Variants in ASPRV1 observed in about 807,000 individuals in gnomAD.
ASPRV1 encodes the protein aspartic peptidase retroviral like 1.
ASPRV1 carries 7 observed loss-of-function variants against 11.0 expected under a neutral mutation model. That is an observed-to-expected ratio of 0.64 (90% confidence interval 0.36 to 1.20). The LOEUF (loss-of-function observed/expected upper bound fraction) is 1.20. Ranked by LOEUF, ASPRV1 falls within the 50% of genes most tolerant of loss-of-function variation. The pLI is 0.02. For synonymous variants in ASPRV1, 136 were observed against 138.4 expected, an observed-to-expected ratio of 0.98 and a Z score of 0.12; for missense variants, 299 against 320.0, an observed-to-expected ratio of 0.93 and a Z score of 0.50.
At chr2:69,943,825 T>TTTG in the ASPRV1 span, among the ~76,000 whole-genome samples, 3 of 152,168 alleles carry the variant, frequency 2.0e-5, no homozygotes, top group Admixed American at 2.0e-4. Context: ...TCTTCCTGTT[T>TTTG]TTGTTACACC....
At chr2:69,950,224 C>T in the ASPRV1 span, among the ~76,000 whole-genome samples, 1 of 152,198 alleles carries the variant, frequency 6.6e-6, no homozygotes. Flanking sequence ...ACATCACTGG[C>T]CCCCAGGTAC....
At chr2:69,957,138 C>T (rs1173968935), downstream of ASPRV1, among the ~76,000 whole-genome samples, 1 of 152,188 alleles carries the variant, frequency 6.6e-6, no homozygotes, top group African/African-American at 2.4e-5. Flanking sequence ...GGTATTACAT[C>T]AGTGAACTTC....
At chr2:69,936,334 G>A in the ASPRV1 span, among the ~76,000 whole-genome samples, 2 of 152,132 alleles carry the variant, frequency 1.3e-5, no homozygotes, top group South Asian at 2.1e-4. Context: ...TACACCCCAC[G>A]AGGGAGGGGA....
chr2:70,066,443 T>C, the ASPRV1 span, among the ~76,000 whole-genome samples: 1 of 151,924 alleles, frequency 6.6e-6, no homozygotes, highest in Non-Finnish European at 1.5e-5. Flanking sequence ...TTCACCATGT[T>C]GGCCAGGCTG....
At chr2:70,037,205 A>G in the ASPRV1 span, among the ~76,000 whole-genome samples, 1 of 152,082 alleles carries the variant, frequency 6.6e-6, no homozygotes, top group African/African-American at 2.4e-5. Flanking sequence ...AGTTAGCCCC[A>G]TTTCCATCAT....
chr2:70,046,191 G>GTTTTGTT, the ASPRV1 span: 1 of 152,074 alleles, frequency 6.6e-6, no homozygotes, highest in African/African-American at 2.4e-5. Flanking sequence ...AAGATGTGGT[G>GTTTTGTT]TTTTGTTTTT....
At chr2:69,977,965 T>C in the ASPRV1 span, among the ~76,000 whole-genome samples, 1 of 152,062 alleles carries the variant, frequency 6.6e-6, no homozygotes, top group South Asian at 2.1e-4. Flanking sequence ...TGCCCTTGGG[T>C]GGTGAATGAC....
upstream of ASPRV1, chr2:69,963,010 A>G: frequency 3.1e-6 from 1 of 322,388 alleles, no homozygotes; most frequent in Non-Finnish European, 6.3e-6. Context: ...TTTCCTGGCC[A>G]AGAGCCTGTC....
At chr2:70,014,004 A>G in the ASPRV1 span, among the ~76,000 whole-genome samples, 76 of 152,342 alleles carry the variant, frequency 5.0e-4, no homozygotes, top group Admixed American at 1.6e-3. Context: ...AATGTTTATC[A>G]TATTTCAGAC....
chr2:69,937,533 C>A, the ASPRV1 span: 1 of 792,166 alleles, frequency 1.3e-6, no homozygotes, highest in Non-Finnish European at 1.9e-6. Flanking sequence ...ACAGTGTGAC[C>A]TCCAGTGACA....
chr2:70,044,649 G>A, the ASPRV1 span, among the ~76,000 whole-genome samples: 1 of 151,928 alleles, frequency 6.6e-6, no homozygotes, highest in Admixed American at 6.6e-5. Flanking sequence ...AGTAGAGACG[G>A]GGTTTCTCCA....
chr2:70,064,760 A>G, the ASPRV1 span, among the ~76,000 whole-genome samples: 4 of 152,206 alleles, frequency 2.6e-5, no homozygotes, highest in African/African-American at 9.6e-5. Context: ...ATAATGTGTC[A>G]GACATTGTCC....
chr2:70,026,398 C>T, the ASPRV1 span, among the ~76,000 whole-genome samples: 1 of 150,842 alleles, frequency 6.6e-6, no homozygotes, highest in Admixed American at 6.6e-5. Context: ...AAATAAAGGG[C>T]ATCCAGATTG....
At chr2:69,948,513 T>C in the ASPRV1 span, among the ~76,000 whole-genome samples, 2,172 of 152,282 alleles carry the variant, frequency 0.014, 66 homozygotes, top group African/African-American at 0.05. Context: ...CAAAAGTGCT[T>C]GACAGGCCGC....
At chr2:70,066,237 A>G in the ASPRV1 span, among the ~76,000 whole-genome samples, 8 of 151,904 alleles carry the variant, frequency 5.3e-5, no homozygotes, top group African/African-American at 1.9e-4. Context: ...AAACATCACT[A>G]ACATCATTTT....
chr2:70,062,814 C>T, the ASPRV1 span, among the ~76,000 whole-genome samples: 1 of 152,108 alleles, frequency 6.6e-6, no homozygotes, highest in Non-Finnish European at 1.5e-5. Flanking sequence ...AAAGAGAAGT[C>T]TGAATGAATT....
chr2:69,994,950 C>T, the ASPRV1 span, among the ~76,000 whole-genome samples: 1 of 151,516 alleles, frequency 6.6e-6, no homozygotes, highest in Non-Finnish European at 1.5e-5. Flanking sequence ...TGCAGTGAGC[C>T]GAGATCGCGC....
chr2:69,967,887 C>G, the ASPRV1 span, among the ~76,000 whole-genome samples: 1 of 151,952 alleles, frequency 6.6e-6, no homozygotes, highest in African/African-American at 2.4e-5. Flanking sequence ...TCCAGACCAG[C>G]CTGGCCAACA....
At chr2:70,056,901 ATT>A in the ASPRV1 span, among the ~76,000 whole-genome samples, 1 of 151,738 alleles carries the variant, frequency 6.6e-6, no homozygotes, top group African/African-American at 2.4e-5. Flanking sequence ...CACCCAGCTA[ATT>A]TTTTTGTATT....
Sources: allele counts gnomAD v4.1 joint callset (sites outside exome capture counted in the v4.1 genomes callset), GRCh38; gene constraint gnomAD v4.1.1; transcripts MANE v1.5; gene names NCBI Gene and HGNC (gene_info 2026-07-23, HGNC 2026-07-21).